The following MMP15 variants were observed in gnomAD, a reference collection of about 807,000 sequenced individuals.
The protein encoded by MMP15 is matrix metalloproteinase-15.
MMP15 carries 36 observed loss-of-function variants against 65.0 expected under a neutral mutation model. That is an observed-to-expected ratio of 0.55 (90% CI 0.42 to 0.73). MMP15 has a LOEUF of 0.73. Ranked by LOEUF, MMP15 falls within the 30% of genes least tolerant of loss-of-function variation. The pLI is 0.00. For missense variants in MMP15, 870 were observed against 987.8 expected, an observed-to-expected ratio of 0.88 and a Z score of 1.60; for synonymous variants, 428 against 410.2, an observed-to-expected ratio of 1.04 and a Z score of -0.52.
intron 3 of MMP15, among the ~76,000 whole-genome samples, chr16:58,039,062 C>T (rs1367349486): frequency 6.6e-6 from 1 of 152,236 alleles, no homozygotes; most frequent in African/African-American, 2.4e-5. Context: ...TCTCTGGCTA[C>T]AACTTACTTC....
chr16:58,041,807 C>T lies in MMP15; in HGVS notation c.1101C>T (p.Pro367=), dbSNP rs781044482. Residue 367 remains proline (P), a synonymous_variant, in exon 6 of 10, where the codon CCC becomes CCT. Transcript: ENST00000219271. ...CAGAGCGGCCCGACCAGTATGGCCC[C>T]AACATCTGCGACGGGGACTTTGACA... ...RATERPDQYG[P]NICDGDFDTV... is the part of the protein sequence containing the mutation. The T allele has an allele frequency of 6.2e-7, 1 of 1,612,366 alleles. No individual in the cohort carries two copies. The highest frequency in any genetic ancestry group is 1.1e-5 in the South Asian group (1 of 90,822).
Position 58,026,531 on chromosome 16 carries a change from C to A in MMP15, c.162+19C>A. 7.6e-7 allele frequency: 1 copy of A among 1,310,960 alleles called. No individual in the cohort carries two copies. Among genetic ancestry groups the A allele is most frequent in the South Asian group, 2.1e-5 (1 of 47,976 alleles). 81.2% of individuals were successfully genotyped at this position (1,310,960 alleles called of 1,614,324 possible). A position where few individuals can be genotyped will look rare whatever the true frequency, so the allele number is the denominator to read the frequency against. On this transcript the variant is annotated intron_variant, in intron 1 of 9. Transcript: ENST00000219271. ...TGCCGAGGTAAGACCCCCGCCCTGC[C>A]CTTTGGCTGCGGGCTGGGGGCTTGG... is the stretch of plus-strand genomic sequence containing the variant.
intron 1 of MMP15, among the ~76,000 whole-genome samples, chr16:58,027,196 A>G (rs1017364547): frequency 6.6e-6 from 1 of 152,110 alleles, no homozygotes; most frequent in Admixed American, 6.5e-5. Context: ...CAGCGCCCCT[A>G]CGTCGAAGCC....
intron 5 of MMP15, among the ~76,000 whole-genome samples, chr16:58,041,195 G>A (rs1959443890): frequency 6.6e-6 from 1 of 152,154 alleles, no homozygotes. Flanking sequence ...GCCAAGTCCT[G>A]CACTCTGTGC....
Position 58,026,399 on chromosome 16 carries a change from C to T in MMP15, c.49C>T (p.Leu17Phe). 2 of 1,420,850 alleles carry T rather than the reference C, an allele frequency of 1.4e-6. No individual in the cohort carries two copies. The highest frequency in any genetic ancestry group is 1.8e-6 in the Non-Finnish European group (2 of 1,093,084). 88.0% of individuals were successfully genotyped at this position (1,420,850 alleles called of 1,614,324 possible). ...CGGACGGCCGGGCTGGACGGGCAGCCTCCTCGGCGACCGGGAGGAGGCGGC... is the reference window on the plus strand; with the variant it reads ...CGGACGGCCGGGCTGGACGGGCAGCTTCCTCGGCGACCGGGAGGAGGCGGC... ...APGRPGWTGS[L>F]LGDREEAARP... The change falls in exon 1 of 10, where the codon CTC (leucine) becomes TTC (phenylalanine). Residue 17 changes from leucine to phenylalanine, a missense_variant. Leu to Phe is a conservative substitution (Grantham distance 22). Coordinates refer to ENST00000219271, the MANE Select transcript of MMP15 (RefSeq NM_002428.4).
intron 9 of MMP15, 26 bp downstream of exon 9, chr16:58,043,653 G>T: frequency 6.5e-7 from 1 of 1,549,246 alleles, no homozygotes; most frequent in Non-Finnish European, 8.8e-7. Context: ...CTCCCAGTTT[G>T]CCCAGCACCT....
intron 2 of MMP15, 53 bp downstream of exon 2, chr16:58,037,673 T>TG (rs1959361754): frequency 6.2e-7 from 1 of 1,610,898 alleles, no homozygotes; most frequent in African/African-American, 1.3e-5. Flanking sequence ...CCATCTGGCC[T>TG]GCTCTCAAGA....
At chr16:58,030,470 G>A (rs1353439909) in intron 1 of MMP15, among the ~76,000 whole-genome samples, 1 of 152,180 alleles carries the variant, frequency 6.6e-6, no homozygotes, top group African/African-American at 2.4e-5. Flanking sequence ...CGTGGGAATG[G>A]AAGAAAAAGT....
At chr16:58,042,541 A>T (rs1959478243) in intron 7 of MMP15, among the ~76,000 whole-genome samples, 172 bp downstream of exon 7, 1 of 152,196 alleles carries the variant, frequency 6.6e-6, no homozygotes. Context: ...GACGGGAGGA[A>T]GATAGAGGCT....
In MMP15 at chr16:58,037,589, G is replaced by C. The variant is rs1355073852; in HGVS notation, c.280G>C (p.Val94Leu). ...GATGCAGCGCTTCTACGGGATCCCA[G>C]TCACCGGTGTGCTCGACGAAGAGAC... ...AEMQRFYGIP[V>L]TGVLDEETKE... The change falls in exon 2 of 10, where the codon GTC (valine) becomes CTC (leucine). Residue 94 changes from valine (V) to leucine (L), a missense_variant. Coordinates refer to ENST00000219271, the MANE Select transcript of MMP15 (RefSeq NM_002428.4). The C allele has an allele frequency of 5.0e-6, 8 of 1,614,078 alleles. No individual in the cohort carries two copies. Among genetic ancestry groups the C allele is most frequent in the African/African-American group, 1.3e-5 (1 of 74,938 alleles).
chr16:58,035,521 C>T (rs1309138403), intron 1 of MMP15, among the ~76,000 whole-genome samples: 1 of 152,252 alleles, frequency 6.6e-6, no homozygotes, highest in Non-Finnish European at 1.5e-5. Context: ...TTGTCGAGCA[C>T]CATCTGCTGC....
At chr16:58,044,912 G>A in intron 9 of MMP15, 95 bp from the exon 10 acceptor site, 1 of 1,330,350 alleles carries the variant, frequency 7.5e-7, no homozygotes, top group East Asian at 2.4e-5. Context: ...TGAGAAGAAG[G>A]GTGTTTTGAA....
rs1352995191 is a variant in MMP15, at chr16:58,046,262, C to T, written c.*816C>T. ...TTCCTTCCCTGTGCCTCCTCCCTCCCTCTCCGACTCACACCACTAGCCTCA... is the reference window on the plus strand; with the variant it reads ...TTCCTTCCCTGTGCCTCCTCCCTCCTTCTCCGACTCACACCACTAGCCTCA... On this transcript the variant is annotated 3_prime_UTR_variant, in exon 10 of 10. Transcript: ENST00000219271. 1 of 152,914 alleles carries T rather than the reference C, an allele frequency of 6.5e-6. No homozygotes were observed. The highest frequency in any genetic ancestry group is 1.5e-5 in the Non-Finnish European group (1 of 68,344). The allele number at this position is 152,914 out of a possible 1,614,324, so 9.5% of individuals were successfully genotyped here.
intron 6 of MMP15, 83 bp from the exon 7 acceptor site, chr16:58,042,148 T>G: frequency 6.6e-7 from 1 of 1,520,394 alleles, no homozygotes; most frequent in South Asian, 1.3e-5. Flanking sequence ...CACCCTCACC[T>G]GGGAAGGGGT....
At chr16:58,040,811 A>AG in intron 5 of MMP15, 113 bp downstream of exon 5, 1 of 1,448,768 alleles carries the variant, frequency 6.9e-7, no homozygotes, top group Non-Finnish European at 9.6e-7. Flanking sequence ...AGGCTCAGTG[A>AG]GGATTAGTGA....
intron 2 of MMP15, among the ~76,000 whole-genome samples, 158 bp from the exon 3 acceptor site, chr16:58,038,108 G>C (rs1959372989): frequency 6.6e-6 from 1 of 152,198 alleles, no homozygotes; most frequent in South Asian, 2.1e-4. Flanking sequence ...CAGGCATTTT[G>C]CCCATTTTAC....
chr16:58,038,096 T>C (rs138556154), intron 2 of MMP15, among the ~76,000 whole-genome samples, 170 bp from the exon 3 acceptor site: 1 of 152,328 alleles, frequency 6.6e-6, no homozygotes, highest in African/African-American at 2.4e-5. Flanking sequence ...AGTCTTCCAA[T>C]ACAGGCATTT....
chr16:58,033,056 C>G (rs1959262264), intron 1 of MMP15, among the ~76,000 whole-genome samples: 1 of 152,122 alleles, frequency 6.6e-6, no homozygotes, highest in Non-Finnish European at 1.5e-5. Flanking sequence ...CCTCCCCCAC[C>G]CCACTCCCAC....
At chr16:58,039,822 G>A (rs1959410255) in intron 3 of MMP15, 53 bp from the exon 4 acceptor site, 2 of 1,535,794 alleles carry the variant, frequency 1.3e-6, no homozygotes, top group East Asian at 2.3e-5. Flanking sequence ...GCCAGCAGAG[G>A]ATAGTAGGCC....
Sources: allele counts gnomAD v4.1 joint callset (sites outside exome capture counted in the v4.1 genomes callset), GRCh38; gene constraint gnomAD v4.1.1; transcripts MANE v1.5; gene names NCBI Gene and HGNC (gene_info 2026-07-23, HGNC 2026-07-21).